NUDT3: variants seen among roughly 807,000 people sequenced by gnomAD.
NUDT3 encodes nudix hydrolase 3.
Under a neutral mutation model 23.6 loss-of-function variants are expected in NUDT3, and 9 were observed. That is an observed-to-expected ratio of 0.38 (90% confidence interval 0.23 to 0.66). NUDT3 has a LOEUF of 0.66. Among genes scored for constraint, NUDT3 ranks in the 30% least tolerant of loss-of-function variants. The pLI, the probability that NUDT3 is intolerant of heterozygous loss-of-function variation, is 0.52. For synonymous variants in NUDT3, 86 were observed against 82.6 expected (o/e 1.04, Z -0.22); for missense variants, 172 against 218.5 (o/e 0.79, Z 1.34).
chr6:34,305,642 T>C (rs1403756109), intron 2 of NUDT3, among the ~76,000 whole-genome samples: 1 of 152,226 alleles, frequency 6.6e-6, no homozygotes, highest in East Asian at 1.9e-4. Context: ...TTACTTAACG[T>C]CCATTTAACT....
At chr6:34,309,943 T>A (rs1763745529) in intron 2 of NUDT3, among the ~76,000 whole-genome samples, 3 of 152,056 alleles carry the variant, frequency 2.0e-5, no homozygotes, top group Admixed American at 6.6e-5. Flanking sequence ...AATCAATAAT[T>A]AATAACTGGC....
chr6:34,286,104 CAG>C lies in NUDT3; in HGVS notation c.*2647_*2648del, dbSNP rs1230762220. On this transcript the variant is annotated 3_prime_UTR_variant, in exon 5 of 5. Transcript: ENST00000607016. Reference sequence around the variant, plus strand: ...TTATTTTCTTATTTATTTATTAAGACAGAGTCTTACTCTGTTGCCCAGGCTGG... The same window carrying C: ...TTATTTTCTTATTTATTTATTAAGACAGTCTTACTCTGTTGCCCAGGCTGG... 1 of 152,034 alleles carries C rather than the reference CAG, an allele frequency of 6.6e-6. No homozygotes were observed. Among genetic ancestry groups the C allele is most frequent in the Admixed American group, 6.6e-5 (1 of 15,264 alleles). The allele number at this position is 152,034 out of a possible 1,614,324, so 9.4% of individuals were successfully genotyped here.
chr6:34,387,606 G>A (rs995704616), intron 1 of NUDT3, among the ~76,000 whole-genome samples: 1 of 150,470 alleles, frequency 6.6e-6, no homozygotes, highest in African/African-American at 2.5e-5. Context: ...AGGCTGAGGT[G>A]GAAGGATCAC....
At chr6:34,302,134 C>A (rs111576689) in intron 2 of NUDT3, among the ~76,000 whole-genome samples, 2 of 151,742 alleles carry the variant, frequency 1.3e-5, no homozygotes, top group African/African-American at 4.8e-5. Context: ...CAGGCTCAAG[C>A]GATCCTCCTG....
At chr6:34,388,630 G>T (rs1163891539) in intron 1 of NUDT3, among the ~76,000 whole-genome samples, 2 of 152,008 alleles carry the variant, frequency 1.3e-5, no homozygotes, top group African/African-American at 4.8e-5. Flanking sequence ...ATTATTCTGT[G>T]GTCCAAAATC....
chr6:34,353,348 A>G (rs2113745242), intron 1 of NUDT3, among the ~76,000 whole-genome samples: 1 of 152,314 alleles, frequency 6.6e-6, no homozygotes, highest in Non-Finnish European at 1.5e-5. Context: ...CAGAGAGAAA[A>G]TATAATGAAT....
rs1765224172 is a variant in NUDT3, at chr6:34,392,474, AG to A, written c.-113del. 3 of 672,060 alleles carry A rather than the reference AG, an allele frequency of 4.5e-6. No homozygotes were observed. Among genetic ancestry groups the A allele is most frequent in the Non-Finnish European group, 5.0e-6 (2 of 403,324 alleles). The allele number at this position is 672,060 out of a possible 1,614,324, so 41.6% of individuals were successfully genotyped here. A position where few individuals can be genotyped will look rare whatever the true frequency, so the allele number is the denominator to read the frequency against. ...CCCGGCTCGGCCAAGGGAAGCAGGGAGGGGGAGCTTCTCCGCTACACGGCTC... is the reference window on the plus strand; with the variant it reads ...CCCGGCTCGGCCAAGGGAAGCAGGGAGGGGAGCTTCTCCGCTACACGGCTC... On this transcript the variant is annotated 5_prime_UTR_variant, in exon 1 of 5. Transcript: ENST00000607016.
Position 34,288,739 on chromosome 6 carries a change from C to T in NUDT3, c.*14G>A, listed in dbSNP as rs1012180792. 10 of 1,602,628 alleles carry T rather than the reference C, an allele frequency of 6.2e-6. No homozygotes were observed. Among genetic ancestry groups the T allele is most frequent in the Non-Finnish European group, 8.5e-6 (10 of 1,176,040 alleles). On this transcript the variant is annotated 3_prime_UTR_variant, in exon 5 of 5. Coordinates refer to ENST00000607016, the MANE Select transcript of NUDT3 (RefSeq NM_006703.4). ...TAGTTTCCAATTTCCATTTCTCTTA[C>T]AGGAAGTCTTCAGTCATCTGATGCC...
At chr6:34,334,343 G>A (rs1225910817) in intron 2 of NUDT3, among the ~76,000 whole-genome samples, 2 of 152,104 alleles carry the variant, frequency 1.3e-5, no homozygotes, top group Admixed American at 1.3e-4. Flanking sequence ...TCGACAATGA[G>A]CAAGAAAAAA....
At chr6:34,303,259 G>C (rs1194564060) in intron 2 of NUDT3, among the ~76,000 whole-genome samples, 1 of 136,434 alleles carries the variant, frequency 7.3e-6, no homozygotes, top group East Asian at 2.3e-4. Flanking sequence ...TGTTGCCCAG[G>C]CTAGTCAGAA....
intron 2 of NUDT3, among the ~76,000 whole-genome samples, chr6:34,324,585 G>A (rs1277636458): frequency 6.6e-6 from 1 of 151,958 alleles, no homozygotes; most frequent in Non-Finnish European, 1.5e-5. Context: ...CCATTTTTAG[G>A]GTTAAAACTT....
intron 1 of NUDT3, among the ~76,000 whole-genome samples, chr6:34,374,506 T>G (rs558661958): frequency 6.6e-6 from 1 of 152,218 alleles, no homozygotes; most frequent in Non-Finnish European, 1.5e-5. Flanking sequence ...TCAGTCTGTC[T>G]TTGTGACGCT....
Position 34,280,970 on chromosome 6 carries a change from T to C in NUDT3, c.*7783A>G, listed in dbSNP as rs1763273006. On this transcript the variant is annotated 3_prime_UTR_variant, in exon 5 of 5. Coordinates refer to ENST00000607016, the MANE Select transcript of NUDT3 (RefSeq NM_006703.4). ...CTCTAGAAAAACTTAACTCAATACA[T>C]CTTGGCTACTTTGCCTCAACCCACG... is the stretch of plus-strand genomic sequence containing the variant. The C allele has an allele frequency of 6.6e-6, 1 of 152,186 alleles. No individual in the cohort carries two copies. The highest frequency in any genetic ancestry group is 2.4e-5 in the African/African-American group (1 of 41,440). 9.4% of individuals were successfully genotyped at this position (152,186 alleles called of 1,614,324 possible).
chr6:34,375,322 C>T (rs185865696), intron 1 of NUDT3, among the ~76,000 whole-genome samples: 87 of 151,428 alleles, frequency 5.7e-4, no homozygotes, highest in African/African-American at 1.8e-3. Flanking sequence ...CCAGCCTGGG[C>T]GACAGAGTAA....
At chr6:34,351,741 C>CAAAAAAAAA (rs1017090378) in intron 1 of NUDT3, among the ~76,000 whole-genome samples, 3 of 54,328 alleles carry the variant, frequency 5.5e-5, no homozygotes, top group Non-Finnish European at 7.4e-5. Context: ...AACTCTGTCT[C>CAAAAAAAAA]AAAAAAAAAA....
At chr6:34,325,007 C>T (rs906431422) in intron 2 of NUDT3, among the ~76,000 whole-genome samples, 1 of 152,152 alleles carries the variant, frequency 6.6e-6, no homozygotes, top group Non-Finnish European at 1.5e-5. Context: ...ATGTCTATGC[C>T]AAGGCTTGCC....
intron 2 of NUDT3, among the ~76,000 whole-genome samples, chr6:34,304,925 G>A (rs866713028): frequency 6.9e-6 from 1 of 145,894 alleles, no homozygotes. Context: ...TCCTGCCCTC[G>A]CCTCCCAAAG....
intron 1 of NUDT3, among the ~76,000 whole-genome samples, chr6:34,377,862 A>G (rs1352129862): frequency 6.6e-6 from 1 of 151,856 alleles, no homozygotes; most frequent in Non-Finnish European, 1.5e-5. Flanking sequence ...TGGAGAGAGC[A>G]TGACTATGCT....
chr6:34,304,268 A>G (rs549238550), intron 2 of NUDT3, among the ~76,000 whole-genome samples: 183 of 151,190 alleles, frequency 1.2e-3, no homozygotes, highest in Middle Eastern at 3.4e-3. Context: ...AAAAAAAAAA[A>G]AAAGAAAGTT....
Sources: gnomAD v4.1 joint callset for allele counts (sites outside exome capture counted in the v4.1 genomes callset) on GRCh38, gnomAD v4.1.1 for gene constraint, MANE v1.5 for transcripts, NCBI Gene and HGNC (gene_info 2026-07-23, HGNC 2026-07-21) for gene names.